The following VAT1L variants were observed in gnomAD, a reference collection of about 807,000 sequenced individuals.
VAT1L encodes putative NADPH-dependent quinone oxidoreductase VAT1L.
Under a neutral mutation model 44.1 loss-of-function variants are expected in VAT1L, and 34 were observed. That is an observed-to-expected ratio of 0.77 (90% confidence interval 0.59 to 1.03). The LOEUF (loss-of-function observed/expected upper bound fraction) is 1.03. VAT1L is among the 50% of genes least tolerant of loss of function. The pLI is 0.00. For synonymous variants in VAT1L, 253 were observed against 202.2 expected, an observed-to-expected ratio of 1.25 and a Z score of -2.13; for missense variants, 615 against 538.8, an observed-to-expected ratio of 1.14 and a Z score of -1.40.
At chr16:77,871,527 C>G (rs569352684) in intron 4 of VAT1L, among the ~76,000 whole-genome samples, 3 of 152,250 alleles carry the variant, frequency 2.0e-5, no homozygotes, top group African/African-American at 7.2e-5. Flanking sequence ...CTATGAAACC[C>G]TAATTCACCT....
intron 7 of VAT1L, among the ~76,000 whole-genome samples, chr16:77,930,814 A>G (rs1417878943): frequency 6.6e-6 from 1 of 152,170 alleles, no homozygotes; most frequent in Non-Finnish European, 1.5e-5. Context: ...TGTGTTTGTC[A>G]TTCTGGAAAG....
At chr16:77,946,583 G>A (rs959409518) in intron 7 of VAT1L, among the ~76,000 whole-genome samples, 3 of 152,082 alleles carry the variant, frequency 2.0e-5, no homozygotes, top group Admixed American at 6.6e-5. Context: ...CACCCAGCCC[G>A]AGAATGTATC....
intron 2 of VAT1L, among the ~76,000 whole-genome samples, chr16:77,821,570 G>T (rs991090273): frequency 3.9e-5 from 6 of 152,182 alleles, no homozygotes; most frequent in African/African-American, 1.4e-4. Context: ...TGGGATTACA[G>T]GCATGAGCCA....
intron 7 of VAT1L, among the ~76,000 whole-genome samples, chr16:77,888,396 TG>T (rs1349174663): frequency 6.6e-6 from 1 of 152,208 alleles, no homozygotes; most frequent in Non-Finnish European, 1.5e-5. Flanking sequence ...ACTGTGTGAA[TG>T]GAACAATCCA....
chr16:77,851,930 C>T (rs1379249003), intron 3 of VAT1L, among the ~76,000 whole-genome samples: 3 of 152,134 alleles, frequency 2.0e-5, no homozygotes, highest in Non-Finnish European at 4.4e-5. Context: ...CCTTCTTGTA[C>T]ATTTGAGGGG....
chr16:77,834,314 T>A (rs972269971), intron 3 of VAT1L, among the ~76,000 whole-genome samples: 4 of 152,212 alleles, frequency 2.6e-5, no homozygotes, highest in African/African-American at 9.6e-5. Context: ...AGCTTTGTAG[T>A]CTGCTTCTGT....
At chr16:77,814,165 C>G (rs2016311996) in intron 1 of VAT1L, among the ~76,000 whole-genome samples, 1 of 152,134 alleles carries the variant, frequency 6.6e-6, no homozygotes, top group South Asian at 2.1e-4. Context: ...AAGCACTTAG[C>G]ACAGTTCTTG....
intron 7 of VAT1L, among the ~76,000 whole-genome samples, chr16:77,949,527 C>G (rs1172326157): frequency 6.6e-6 from 1 of 152,184 alleles, no homozygotes; most frequent in Non-Finnish European, 1.5e-5. Flanking sequence ...GGAGTGGATT[C>G]CACATGAATA....
At chr16:77,921,919 A>AT (rs964559218) in intron 7 of VAT1L, among the ~76,000 whole-genome samples, 47 of 150,832 alleles carry the variant, frequency 3.1e-4, no homozygotes, top group East Asian at 3.9e-4. Flanking sequence ...AATTTTTATA[A>AT]TTTTTTTTTA....
chr16:77,844,532 C>A (rs1286100911), intron 3 of VAT1L, among the ~76,000 whole-genome samples: 7 of 152,142 alleles, frequency 4.6e-5, no homozygotes, highest in Non-Finnish European at 8.8e-5. Context: ...CCTTAGCCTC[C>A]CAAGTAGGTG....
At chr16:77,819,637 C>T (rs563549062) in intron 2 of VAT1L, among the ~76,000 whole-genome samples, 1 of 152,342 alleles carries the variant, frequency 6.6e-6, no homozygotes, top group South Asian at 2.1e-4. Context: ...CCCGCCTCAA[C>T]CTCCCAAAGT....
rs80308359 is a variant in VAT1L, at chr16:77,876,565, T to C, written c.826+92T>C. On this transcript the variant is annotated intron_variant, in intron 5 of 8. Coordinates refer to ENST00000302536, the MANE Select transcript of VAT1L (RefSeq NM_020927.3). ...CTCTGAAAAGTGAATTGTGCTGATA[T>C]GTTGGGGTAGTGGGATGGGGGTGTT... is the stretch of plus-strand genomic sequence containing the variant. 1,666 of 1,148,568 alleles carry C rather than the reference T, an allele frequency of 1.5e-3. 17 individuals carry two copies. In the African/African-American group the frequency reaches 0.022, roughly 15 times the overall value. 71.1% of individuals were successfully genotyped at this position (1,148,568 alleles called of 1,614,324 possible). A position where few individuals can be genotyped will look rare whatever the true frequency, so the allele number is the denominator to read the frequency against.
chr16:77,797,136 G>C (rs1411127958), intron 1 of VAT1L, among the ~76,000 whole-genome samples: 1 of 150,482 alleles, frequency 6.6e-6, no homozygotes, highest in Non-Finnish European at 1.5e-5. Context: ...TTTTGAGATG[G>C]GGTCTCGCTC....
intron 3 of VAT1L, 122 bp from the exon 4 acceptor site, chr16:77,862,626 A>T: frequency 2.0e-6 from 1 of 510,350 alleles, no homozygotes. Context: ...CCATCTCTAA[A>T]AAAAAAAAAA....
At position 77,850,993 on chromosome 16, in the gene VAT1L, T is replaced by C. The variant is rs112907639; in HGVS notation, c.580-11755T>C. The stretch of plus-strand genomic sequence containing the variant: ...ATGGTGCCCCTCATTTGGAGAGTAT[T>C]GCTGATGACAGACACAAGCCTTGCT... On this transcript the variant is annotated intron_variant, in intron 3 of 8. Coordinates refer to ENST00000302536, the MANE Select transcript of VAT1L (RefSeq NM_020927.3). 4.8e-3 allele frequency among the ~76,000 whole-genome samples: 735 copies of C among 152,328 alleles called. 2 individuals are homozygous for C. Among genetic ancestry groups the C allele is most frequent in the Non-Finnish European group, 6.1e-3 (413 of 68,032 alleles).
chr16:77,933,468 T>C (rs899627594), intron 7 of VAT1L, among the ~76,000 whole-genome samples: 1 of 152,246 alleles, frequency 6.6e-6, no homozygotes, highest in Non-Finnish European at 1.5e-5. Flanking sequence ...TGGCAGACAC[T>C]GCTCTCCTAG....
intron 1 of VAT1L, among the ~76,000 whole-genome samples, chr16:77,789,691 G>A (rs2015797948): frequency 6.6e-6 from 1 of 152,136 alleles, no homozygotes; most frequent in Non-Finnish European, 1.5e-5. Context: ...GTTTCTCCGA[G>A]AGGGGAAAAA....
In VAT1L at chr16:77,971,732, A is replaced by G; in HGVS notation, c.1078-118A>G. 1.6e-5 allele frequency: 17 copies of G among 1,064,804 alleles called. 1 individual carries two copies. The South Asian group carries it at 2.5e-4, about 16-fold the overall frequency. 66.0% of individuals were successfully genotyped at this position (1,064,804 alleles called of 1,614,324 possible). A position where few individuals can be genotyped will look rare whatever the true frequency, so the allele number is the denominator to read the frequency against. On this transcript the variant is annotated intron_variant, in intron 7 of 8. Transcript: ENST00000302536. ...GTCCAACAGCAACCTCTTAGCCACT[A>G]AACTTGAGCCGCAGCGCCCTCTGGT...
intron 7 of VAT1L, among the ~76,000 whole-genome samples, chr16:77,967,435 A>G (rs1441762979): frequency 1.3e-5 from 2 of 152,366 alleles, no homozygotes; most frequent in African/African-American, 2.4e-5. Context: ...GAATTAATCA[A>G]GAACAATATC....
Sources: gnomAD v4.1 joint callset for allele counts (sites outside exome capture counted in the v4.1 genomes callset) on GRCh38, gnomAD v4.1.1 for gene constraint, MANE v1.5 for transcripts, NCBI Gene and HGNC (gene_info 2026-07-23, HGNC 2026-07-21) for gene names.